KHDRBS2: variants seen among roughly 807,000 people sequenced by gnomAD.
KHDRBS2 encodes KH domain-containing, RNA-binding, signal transduction-associated protein 2.
A neutral mutation model predicts 44.3 loss-of-function variants in KHDRBS2; 26 were observed. The ratio of observed to expected loss-of-function variants is 0.59; its 90% CI spans 0.43 to 0.81. KHDRBS2 has a LOEUF of 0.81. KHDRBS2 is among the 40% of genes least tolerant of loss of function. The pLI, the probability that KHDRBS2 is intolerant of heterozygous loss-of-function variation, is 0.00. For missense variants in KHDRBS2, 476 were observed against 433.1 expected (o/e 1.10, Z -0.88); for synonymous variants, 194 against 151.1 (o/e 1.28, Z -2.08).
the KHDRBS2 span, among the ~76,000 whole-genome samples, chr6:61,566,847 T>G: frequency 6.6e-6 from 1 of 152,108 alleles, no homozygotes; most frequent in Non-Finnish European, 1.5e-5. Flanking sequence ...TGTCCTAAAC[T>G]AAGAGTAATG....
At position 62,062,460 on chromosome 6, in the gene KHDRBS2, C is replaced by G. The variant is rs569560795; in HGVS notation, c.220-14466G>C. ...ACCACAGTGCAATCAAACTAGAACT[C>G]AGGATTAAGAATCTCACTCAAAGCC... On this transcript the variant is annotated intron_variant, in intron 2 of 8. Coordinates refer to ENST00000281156, the MANE Select transcript of KHDRBS2 (RefSeq NM_152688.4). Among the ~76,000 whole-genome samples the G allele has an allele frequency of 3.3e-3, 501 of 151,820 alleles. 1 individual carries two copies. The highest frequency in any genetic ancestry group is 5.3e-3 in the Non-Finnish European group (357 of 67,932).
the KHDRBS2 span, among the ~76,000 whole-genome samples, chr6:61,605,050 C>T: frequency 1.3e-5 from 2 of 152,140 alleles, no homozygotes; most frequent in Non-Finnish European, 2.9e-5. Flanking sequence ...AAAAACACAC[C>T]TCACCAAGCT....
At chr6:61,697,884 T>C (rs1307235872) in intron 7 of KHDRBS2, among the ~76,000 whole-genome samples, 4 of 151,964 alleles carry the variant, frequency 2.6e-5, no homozygotes, top group Non-Finnish European at 5.9e-5. Context: ...TGCATCCACT[T>C]CCCCCTTTAA....
intron 2 of KHDRBS2, among the ~76,000 whole-genome samples, chr6:62,062,379 T>C (rs1792192988): frequency 7.0e-6 from 1 of 143,858 alleles, no homozygotes; most frequent in African/African-American, 2.6e-5. Context: ...TACTTGGAAG[T>C]AAAGCTCTCC....
chr6:61,553,257 C>A, the KHDRBS2 span, among the ~76,000 whole-genome samples: 1 of 152,056 alleles, frequency 6.6e-6, no homozygotes, highest in African/African-American at 2.4e-5. Context: ...AGGAATCTAT[C>A]CATTTATCCT....
At chr6:62,270,155 G>A (rs1307203448) in intron 1 of KHDRBS2, among the ~76,000 whole-genome samples, 2 of 152,058 alleles carry the variant, frequency 1.3e-5, no homozygotes, top group Non-Finnish European at 2.9e-5. Context: ...CTGCTGGGAG[G>A]TGTTTGGATC....
chr6:61,904,221 A>G (rs1000420970), intron 4 of KHDRBS2, among the ~76,000 whole-genome samples: 34 of 152,134 alleles, frequency 2.2e-4, no homozygotes, highest in African/African-American at 8.2e-4. Flanking sequence ...CGAATGTCAT[A>G]TCTGGTGTCA....
chr6:62,131,048 G>C lies in KHDRBS2; in HGVS notation c.219+46137C>G, dbSNP rs1810182478. Among the ~76,000 whole-genome samples the C allele has an allele frequency of 1.3e-5, 2 of 151,934 alleles. 1 individual carries two copies. The highest frequency in any genetic ancestry group is 4.1e-4 in the South Asian group (2 of 4,828). On this transcript the variant is annotated intron_variant, in intron 2 of 8. Transcript: ENST00000281156. Reference sequence around the variant, plus strand: ...AATATTATTAACATTATTATTTTAAGAAAAACCTGGGCTATTTTTAAAATA... The same window carrying C: ...AATATTATTAACATTATTATTTTAACAAAAACCTGGGCTATTTTTAAAATA...
intron 6 of KHDRBS2, among the ~76,000 whole-genome samples, chr6:61,806,482 A>G (rs1164494766): frequency 2.0e-5 from 3 of 152,186 alleles, no homozygotes; most frequent in Non-Finnish European, 4.4e-5. Flanking sequence ...AAGGATTTGA[A>G]TCAAAATTGC....
intron 2 of KHDRBS2, among the ~76,000 whole-genome samples, chr6:62,116,863 T>C (rs920190135): frequency 1.3e-5 from 2 of 152,102 alleles, no homozygotes; most frequent in African/African-American, 2.4e-5. Flanking sequence ...GAACAAACCA[T>C]ATTAGTCTTT....
At chr6:61,977,616 G>A (rs1772949816) in intron 4 of KHDRBS2, among the ~76,000 whole-genome samples, 3 of 151,998 alleles carry the variant, frequency 2.0e-5, no homozygotes, top group African/African-American at 7.2e-5. Context: ...AAAATACATT[G>A]GATATGTTTA....
chr6:61,790,583 T>C (rs1282951379), intron 6 of KHDRBS2, among the ~76,000 whole-genome samples: 1 of 151,508 alleles, frequency 6.6e-6, no homozygotes, highest in Admixed American at 6.6e-5. Flanking sequence ...GATGAGGTTA[T>C]TTATGGATTT....
intron 4 of KHDRBS2, among the ~76,000 whole-genome samples, chr6:61,958,172 C>A (rs1767836921): frequency 6.6e-6 from 1 of 152,148 alleles, no homozygotes; most frequent in Non-Finnish European, 1.5e-5. Context: ...TATCGTTTAA[C>A]AGAAGACACA....
At chr6:61,728,178 A>G (rs1203822627) in intron 7 of KHDRBS2, among the ~76,000 whole-genome samples, 1 of 152,156 alleles carries the variant, frequency 6.6e-6, no homozygotes, top group Non-Finnish European at 1.5e-5. Flanking sequence ...TTAGCAAACT[A>G]ATGCAGGAAG....
At chr6:61,776,937 A>T (rs1167398326) in intron 6 of KHDRBS2, among the ~76,000 whole-genome samples, 1 of 152,222 alleles carries the variant, frequency 6.6e-6, no homozygotes, top group African/African-American at 2.4e-5. Flanking sequence ...GCACATATAC[A>T]CCATGGAATA....
the KHDRBS2 span, among the ~76,000 whole-genome samples, chr6:61,660,421 T>TA: frequency 1.3e-5 from 2 of 151,740 alleles, no homozygotes; most frequent in African/African-American, 4.8e-5. Flanking sequence ...GTACTTTCAT[T>TA]AAAAAAATTA....
the KHDRBS2 span, among the ~76,000 whole-genome samples, chr6:61,604,749 C>T: frequency 6.6e-6 from 1 of 152,128 alleles, no homozygotes; most frequent in South Asian, 2.1e-4. Context: ...ACTTACATGC[C>T]CTGAGTCAGG....
intron 6 of KHDRBS2, among the ~76,000 whole-genome samples, chr6:61,832,230 C>T (rs1007754686): frequency 6.6e-6 from 1 of 151,936 alleles, no homozygotes; most frequent in Non-Finnish European, 1.5e-5. Flanking sequence ...CAAGACACTA[C>T]CTCAAAAGAA....
intron 6 of KHDRBS2, chr6:61,813,901 T>G (rs927087616): frequency 1.1e-5 from 5 of 455,908 alleles, no homozygotes; most frequent in Non-Finnish European, 2.2e-5. Flanking sequence ...GCCTCCATTA[T>G]TACTCCCTGC....
Sources: allele counts gnomAD v4.1 joint callset (sites outside exome capture counted in the v4.1 genomes callset), GRCh38; gene constraint gnomAD v4.1.1; transcripts MANE v1.5; gene names NCBI Gene and HGNC (gene_info 2026-07-23, HGNC 2026-07-21).